Variants in LRRC4C observed in about 807,000 individuals in gnomAD.
The protein encoded by LRRC4C is leucine rich repeat containing 4C, also known as leucine-rich repeat-containing protein 4C.
A neutral mutation model predicts 33.6 loss-of-function variants in LRRC4C; 5 were observed. That is an observed-to-expected ratio of 0.15 (90% CI 0.08 to 0.31). The LOEUF (loss-of-function observed/expected upper bound fraction) is 0.31. Among genes scored for constraint, LRRC4C ranks in the 10% least tolerant of loss-of-function variants. LRRC4C has a pLI of 1.00. For synonymous variants in LRRC4C, 329 were observed against 302.0 expected, an observed-to-expected ratio of 1.09 and a Z score of -0.93; for missense variants, 560 against 796.7, an observed-to-expected ratio of 0.70 and a Z score of 3.58.
chr11:40,555,579 G>T (rs923786886), intron 3 of LRRC4C, among the ~76,000 whole-genome samples: 6 of 152,198 alleles, frequency 3.9e-5, no homozygotes, highest in African/African-American at 1.4e-4. Context: ...CAGCTCTCAA[G>T]AAACAATTAG....
chr11:40,336,399 G>A (rs1362487147), intron 3 of LRRC4C, among the ~76,000 whole-genome samples: 2 of 152,074 alleles, frequency 1.3e-5, no homozygotes, highest in Non-Finnish European at 1.5e-5. Context: ...TCCCTTGCCT[G>A]CTTGCTATAT....
chr11:41,452,389 CAG>C (rs1956055008), intron 1 of LRRC4C, among the ~76,000 whole-genome samples: 1 of 152,040 alleles, frequency 6.6e-6, no homozygotes. Flanking sequence ...ACATCAAAAA[CAG>C]ATAAAATATA....
intron 1 of LRRC4C, among the ~76,000 whole-genome samples, chr11:41,364,654 C>T (rs1407917030): frequency 6.6e-6 from 1 of 152,080 alleles, no homozygotes; most frequent in African/African-American, 2.4e-5. Context: ...AGCCAGTTAC[C>T]AGAGGGAGAA....
intron 3 of LRRC4C, among the ~76,000 whole-genome samples, chr11:40,461,278 C>T (rs1327956126): frequency 1.3e-5 from 2 of 152,096 alleles, no homozygotes; most frequent in Non-Finnish European, 2.9e-5. Context: ...AACTAAGCTT[C>T]ATCTGGGATT....
chr11:40,178,034 T>C (rs989514541), intron 5 of LRRC4C, among the ~76,000 whole-genome samples: 1 of 152,230 alleles, frequency 6.6e-6, no homozygotes, highest in African/African-American at 2.4e-5. Flanking sequence ...ATGAATGCTA[T>C]AATCAATGCA....
At chr11:40,185,472 T>C (rs990713998) in intron 5 of LRRC4C, among the ~76,000 whole-genome samples, 6 of 152,128 alleles carry the variant, frequency 3.9e-5, no homozygotes, top group East Asian at 1.9e-4. Flanking sequence ...CTTCCTAACA[T>C]GCTACTATCT....
intron 2 of LRRC4C, among the ~76,000 whole-genome samples, chr11:40,698,137 C>A (rs553154774): frequency 1.3e-5 from 2 of 150,938 alleles, no homozygotes; most frequent in African/African-American, 4.9e-5. Context: ...TGGTTATAAT[C>A]ATAATAAAGT....
chr11:40,483,740 TG>T (rs1450495747), intron 3 of LRRC4C, among the ~76,000 whole-genome samples: 1 of 150,794 alleles, frequency 6.6e-6, no homozygotes, highest in African/African-American at 2.4e-5. Flanking sequence ...GATTTTTAAA[TG>T]TAATTTAATG....
intron 3 of LRRC4C, among the ~76,000 whole-genome samples, chr11:40,369,818 T>C (rs1485875153): frequency 6.6e-6 from 1 of 152,160 alleles, no homozygotes; most frequent in East Asian, 1.9e-4. Flanking sequence ...ACACTTAAAA[T>C]CTAATAGTTT....
chr11:40,535,454 C>T (rs1440112), intron 3 of LRRC4C, among the ~76,000 whole-genome samples: 41,513 of 152,004 alleles, frequency 0.27, 6,503 homozygotes, highest in Non-Finnish European at 0.35. Context: ...GAAGGTTCAA[C>T]AAAGTGATGG....
At chr11:41,188,934 T>C (rs1307978082) in intron 1 of LRRC4C, among the ~76,000 whole-genome samples, 1 of 141,240 alleles carries the variant, frequency 7.1e-6, no homozygotes, top group African/African-American at 2.6e-5. Flanking sequence ...TAATTTATGT[T>C]GGCAATTTCT....
chr11:40,121,494 T>A lies in LRRC4C; in HGVS notation c.-42-5160A>T, dbSNP rs74583136. ...AGTCTTCAACATCTCTTTCATGATG[T>A]TTTTATCACATCAAATGAAAATTAA... is the stretch of plus-strand genomic sequence containing the variant. On this transcript the variant is annotated intron_variant, in intron 6 of 6. Coordinates refer to ENST00000528697, the MANE Select transcript of LRRC4C (RefSeq NM_001258419.2). Among the ~76,000 whole-genome samples, 466 of 152,344 alleles carry A rather than the reference T, an allele frequency of 3.1e-3. 2 individuals are homozygous for A. The highest frequency in any genetic ancestry group is 0.01 in the African/African-American group (433 of 41,600).
intron 1 of LRRC4C, among the ~76,000 whole-genome samples, chr11:41,088,876 G>A (rs1940196739): frequency 6.6e-6 from 1 of 152,016 alleles, no homozygotes; most frequent in Admixed American, 6.6e-5. Flanking sequence ...AGAAGGAAGA[G>A]TCTAGATAAG....
chr11:40,460,119 T>C (rs1481582587), intron 3 of LRRC4C, among the ~76,000 whole-genome samples: 1 of 152,080 alleles, frequency 6.6e-6, no homozygotes, highest in Non-Finnish European at 1.5e-5. Flanking sequence ...AAAACTTCAA[T>C]CCTACTTTCC....
intron 3 of LRRC4C, among the ~76,000 whole-genome samples, chr11:40,333,342 C>G (rs1485407341): frequency 6.6e-6 from 1 of 152,020 alleles, no homozygotes; most frequent in African/African-American, 2.4e-5. Context: ...TGTAGAAAAG[C>G]CTTGGATTTT....
intron 3 of LRRC4C, among the ~76,000 whole-genome samples, chr11:40,325,434 T>A (rs1225867112): frequency 6.6e-6 from 1 of 152,036 alleles, no homozygotes; most frequent in Non-Finnish European, 1.5e-5. Context: ...GAGTTCAAGA[T>A]CAGCCTCGGC....
rs79862628 is a variant in LRRC4C at position 41,060,451 on chromosome 11, T to A, written c.-495-126728A>T. Among the ~76,000 whole-genome samples, 780 of 152,332 alleles carry A rather than the reference T, an allele frequency of 5.1e-3. 4 individuals are homozygous for A. The highest frequency in any genetic ancestry group is 0.018 in the African/African-American group (729 of 41,574). On this transcript the variant is annotated intron_variant, in intron 1 of 6. Transcript: ENST00000528697. ...ATGATCATAGTGGTGGCAGATTTTG[T>A]TTCTGGCGAGTACCCTCTTCCTGGC...
intron 3 of LRRC4C, among the ~76,000 whole-genome samples, chr11:40,587,974 A>G (rs1021120714): frequency 1.3e-5 from 2 of 151,878 alleles, no homozygotes; most frequent in African/African-American, 2.4e-5. Context: ...TTGGTATCAG[A>G]ATGATGCTGG....
At chr11:40,792,609 C>A (rs1468482076) in intron 2 of LRRC4C, among the ~76,000 whole-genome samples, 1 of 151,948 alleles carries the variant, frequency 6.6e-6, no homozygotes, top group Non-Finnish European at 1.5e-5. Context: ...ACTAGAAATA[C>A]CATTTGACCC....
Sources: allele counts gnomAD v4.1 joint callset (sites outside exome capture counted in the v4.1 genomes callset), GRCh38; gene constraint gnomAD v4.1.1; transcripts MANE v1.5; gene names NCBI Gene and HGNC (gene_info 2026-07-23, HGNC 2026-07-21).